STK32B: variants seen among roughly 807,000 people sequenced by gnomAD.
The protein encoded by STK32B is serine/threonine kinase 32B.
A neutral mutation model predicts 52.6 loss-of-function variants in STK32B; 43 were observed. The observed-to-expected ratio is 0.82, with a 90% confidence interval of 0.64 to 1.05. STK32B has a LOEUF of 1.05. Among genes scored for constraint, STK32B ranks in the 50% least tolerant of loss-of-function variants. STK32B has a pLI of 0.00. For synonymous variants in STK32B, 238 were observed against 204.3 expected (o/e 1.17, Z -1.41); for missense variants, 621 against 534.6 (o/e 1.16, Z -1.59).
chr4:5,496,483 C>T (rs905494590), intron 11 of STK32B, among the ~76,000 whole-genome samples: 2 of 151,846 alleles, frequency 1.3e-5, no homozygotes, highest in African/African-American at 4.9e-5. Context: ...TCTGTCACCC[C>T]TTTCTTTGAC....
intron 3 of STK32B, among the ~76,000 whole-genome samples, chr4:5,209,152 T>C (rs1206850076): frequency 1.3e-5 from 2 of 152,206 alleles, no homozygotes; most frequent in African/African-American, 2.4e-5. Flanking sequence ...GACTAACATA[T>C]TAACAGTAGG....
At chr4:5,390,283 A>G (rs541341150) in intron 4 of STK32B, among the ~76,000 whole-genome samples, 1 of 152,332 alleles carries the variant, frequency 6.6e-6, no homozygotes, top group South Asian at 2.1e-4. Flanking sequence ...TCTGCTGGCC[A>G]TGGCCCAGCC....
rs565193810 is a variant in STK32B, at chr4:5,314,408, G to A, written c.261-16812G>A. Among the ~76,000 whole-genome samples the A allele has an allele frequency of 1.2e-4, 18 of 152,290 alleles. 1 individual carries two copies. The highest frequency in any genetic ancestry group is 3.4e-4 in the African/African-American group (14 of 41,584). ...AACTCAGCTGGGCACTGTGGCTCAC[G>A]CCTGTAATCCCAGCACTTTGGGAGG... On this transcript the variant is annotated intron_variant, in intron 3 of 11. Transcript: ENST00000282908.
rs114496570 is a variant in STK32B, at chr4:5,060,151, A to G, written c.52+8236A>G. ...CCGGCTAATTTTGTATTTGTAGTGGAGACAGAGTTTTTCCACGTTAGTCAG... is the reference window on the plus strand; with the variant it reads ...CCGGCTAATTTTGTATTTGTAGTGGGGACAGAGTTTTTCCACGTTAGTCAG... On this transcript the variant is annotated intron_variant, in intron 1 of 11. Transcript: ENST00000282908. Among the ~76,000 whole-genome samples, 424 of 152,248 alleles carry G rather than the reference A, an allele frequency of 2.8e-3. 4 individuals carry two copies. Among genetic ancestry groups the G allele is most frequent in the African/African-American group, 9.8e-3 (408 of 41,528 alleles).
At chr4:5,153,313 A>G (rs966216748) in intron 2 of STK32B, among the ~76,000 whole-genome samples, 2 of 152,184 alleles carry the variant, frequency 1.3e-5, no homozygotes, top group Admixed American at 1.3e-4. Flanking sequence ...AACTTGGACC[A>G]ATCATGTGGC....
chr4:5,344,597 A>G (rs578185522), intron 4 of STK32B, among the ~76,000 whole-genome samples: 1 of 152,136 alleles, frequency 6.6e-6, no homozygotes, highest in African/African-American at 2.4e-5. Flanking sequence ...TAAATCAGTT[A>G]TTTATGAAGG....
At chr4:5,067,716 T>C (rs1162046744) in intron 1 of STK32B, among the ~76,000 whole-genome samples, 2 of 152,124 alleles carry the variant, frequency 1.3e-5, no homozygotes, top group East Asian at 1.9e-4. Context: ...TACCTGAGAC[T>C]GAGTAATTTA....
In STK32B at chr4:5,240,316, G is replaced by A. The variant is rs1019566799; in HGVS notation, c.260+71866G>A. Among the ~76,000 whole-genome samples, 3 of 151,884 alleles carry A rather than the reference G, an allele frequency of 2.0e-5. No individual in the cohort carries two copies. The South Asian group carries it at 6.3e-4, about 32-fold the overall frequency. On this transcript the variant is annotated intron_variant, in intron 3 of 11. Transcript: ENST00000282908. Reference sequence around the variant, plus strand: ...TTTTTTCTGCTTTTTTCACTTGTGTGTGTGTTTCAGTTTGGATACAACTCC... The same window carrying A: ...TTTTTTCTGCTTTTTTCACTTGTGTATGTGTTTCAGTTTGGATACAACTCC...
intron 2 of STK32B, chr4:5,140,298 G>A (rs772749137): frequency 1.5e-5 from 20 of 1,327,134 alleles, no homozygotes; most frequent in Non-Finnish European, 1.8e-5. Context: ...ATAGACGTTT[G>A]TTGTTTTGGT....
At chr4:5,145,222 TTA>T (rs1716817560) in intron 2 of STK32B, among the ~76,000 whole-genome samples, 1 of 152,226 alleles carries the variant, frequency 6.6e-6, no homozygotes, top group Non-Finnish European at 1.5e-5. Context: ...TCTACCAAAC[TTA>T]TTTTATGAAA....
chr4:5,428,728 A>G (rs970053310), intron 6 of STK32B, among the ~76,000 whole-genome samples: 18 of 152,300 alleles, frequency 1.2e-4, no homozygotes, highest in Middle Eastern at 3.4e-3. Flanking sequence ...TCTTATATCA[A>G]TTACTAAGAT....
chr4:5,311,653 A>T (rs759794970), intron 3 of STK32B, among the ~76,000 whole-genome samples: 4 of 152,180 alleles, frequency 2.6e-5, no homozygotes, highest in Non-Finnish European at 5.9e-5. Flanking sequence ...TATTGTGAAC[A>T]CATTTTTACT....
intron 3 of STK32B, among the ~76,000 whole-genome samples, chr4:5,326,878 G>C (rs191537180): frequency 6.6e-6 from 1 of 152,342 alleles, no homozygotes; most frequent in East Asian, 1.9e-4. Context: ...AAGTGGTGCT[G>C]TTTGATAGCA....
chr4:5,438,821 C>G (rs998476541), intron 6 of STK32B, among the ~76,000 whole-genome samples: 1 of 152,074 alleles, frequency 6.6e-6, no homozygotes, highest in Non-Finnish European at 1.5e-5. Flanking sequence ...TCTCATTGTT[C>G]AATTCCCACC....
At chr4:5,106,120 C>T (rs768568975) in intron 1 of STK32B, among the ~76,000 whole-genome samples, 6 of 151,614 alleles carry the variant, frequency 4.0e-5, no homozygotes, top group Non-Finnish European at 8.8e-5. Flanking sequence ...CTAGCCAACA[C>T]GATGAAACCC....
In STK32B at chr4:5,301,332, C is replaced by T. The variant is rs553278374; in HGVS notation, c.261-29888C>T. Among the ~76,000 whole-genome samples, 188 of 152,144 alleles carry T rather than the reference C, an allele frequency of 1.2e-3. 2 individuals carry two copies. Among genetic ancestry groups the T allele is most frequent in the Non-Finnish European group, 1.0e-3 (69 of 67,958 alleles). ...CTATTCTATCTTTTGAAAGAATTTG[C>T]AGAAGATTGTTATTAGCTCTTCTCT... is the stretch of plus-strand genomic sequence containing the variant. On this transcript the variant is annotated intron_variant, in intron 3 of 11. Transcript: ENST00000282908.
chr4:5,382,036 A>T (rs1312068117), intron 4 of STK32B, among the ~76,000 whole-genome samples: 2 of 152,194 alleles, frequency 1.3e-5, no homozygotes, highest in Non-Finnish European at 2.9e-5. Flanking sequence ...TGCTGGCACG[A>T]TTCCCCCTTG....
intron 3 of STK32B, among the ~76,000 whole-genome samples, chr4:5,177,156 T>C (rs1284466561): frequency 1.3e-5 from 2 of 152,172 alleles, no homozygotes; most frequent in African/African-American, 2.4e-5. Flanking sequence ...GGGTGATTTA[T>C]AAAGGAAAGA....
intron 6 of STK32B, among the ~76,000 whole-genome samples, chr4:5,437,737 G>A (rs897895522): frequency 6.6e-6 from 1 of 152,146 alleles, no homozygotes; most frequent in African/African-American, 2.4e-5. Context: ...GAATTAAAGA[G>A]GTAATATAGT....
Sources: gnomAD v4.1 joint callset for allele counts (sites outside exome capture counted in the v4.1 genomes callset) on GRCh38, gnomAD v4.1.1 for gene constraint, MANE v1.5 for transcripts, NCBI Gene and HGNC (gene_info 2026-07-23, HGNC 2026-07-21) for gene names.